Variants in FBN2 observed in about 807,000 individuals in gnomAD.
The protein encoded by FBN2 is fibrillin-2.
Under a neutral mutation model 355.6 loss-of-function variants are expected in FBN2, and 105 were observed. That is an observed-to-expected ratio of 0.30 (90% CI 0.25 to 0.35). FBN2 has a LOEUF of 0.35. Among genes scored for constraint, FBN2 ranks in the 10% least tolerant of loss-of-function variants. The pLI, the probability that FBN2 is intolerant of heterozygous loss-of-function variation, is 1.00. For synonymous variants in FBN2, 1,350 were observed against 1,301.2 expected, an observed-to-expected ratio of 1.04 and a Z score of -0.81; for missense variants, 3,280 against 3,758.7, an observed-to-expected ratio of 0.87 and a Z score of 3.33.
At chr5:128,496,391 T>C (rs1415628341) in intron 5 of FBN2, among the ~76,000 whole-genome samples, 1 of 152,056 alleles carries the variant, frequency 6.6e-6, no homozygotes, top group Non-Finnish European at 1.5e-5. Flanking sequence ...ATCATTGTAA[T>C]ACACCATATC....
chr5:128,505,644 C>A (rs890527068), intron 5 of FBN2, among the ~76,000 whole-genome samples: 2 of 152,106 alleles, frequency 1.3e-5, no homozygotes, highest in Non-Finnish European at 2.9e-5. Context: ...ACCTTTGCAT[C>A]CCTAGGCAAC....
chr5:128,378,625 G>A lies in FBN2; in HGVS notation c.1723+146C>T, dbSNP rs1013720810. The A allele has an allele frequency of 4.8e-5, 41 of 860,858 alleles. No homozygotes were observed. In the Admixed American group the frequency reaches 6.4e-4, roughly 13 times the overall value. The allele number at this position is 860,858 out of a possible 1,614,324, so 53.3% of individuals were successfully genotyped here. ...ATGCAAACATTGTTTATGTTTAAAGGAGAATCTCTGAGGGTATTACAAATA... is the reference window on the plus strand; with the variant it reads ...ATGCAAACATTGTTTATGTTTAAAGAAGAATCTCTGAGGGTATTACAAATA... On this transcript the variant is annotated intron_variant, in intron 12 of 64. Coordinates refer to ENST00000262464, the MANE Select transcript of FBN2 (RefSeq NM_001999.4).
At chr5:128,530,049 C>A (rs990521212) in intron 3 of FBN2, among the ~76,000 whole-genome samples, 7 of 152,152 alleles carry the variant, frequency 4.6e-5, no homozygotes, top group Admixed American at 6.5e-5. Flanking sequence ...AATAAACAAT[C>A]TTGCTTCTGC....
intron 4 of FBN2, among the ~76,000 whole-genome samples, chr5:128,520,474 CAAATT>C (rs1756402000): frequency 6.6e-6 from 1 of 151,956 alleles, no homozygotes; most frequent in African/African-American, 2.4e-5. Context: ...ACTAATTACT[CAAATT>C]AAAGGGAAGT....
chr5:128,457,836 A>G lies in FBN2; in HGVS notation c.826+6888T>C, dbSNP rs555110922. Among the ~76,000 whole-genome samples the G allele has an allele frequency of 2.4e-3, 362 of 150,536 alleles. 1 individual carries two copies. The highest frequency in any genetic ancestry group is 8.6e-3 in the African/African-American group (352 of 40,862). On this transcript the variant is annotated intron_variant, in intron 6 of 64. Coordinates refer to ENST00000262464, the MANE Select transcript of FBN2 (RefSeq NM_001999.4). ...TATGGAAAGGAAAAACCAGTACCAGACACTGCAAAAAAAAAAAACAAAAAA... is the reference window on the plus strand; with the variant it reads ...TATGGAAAGGAAAAACCAGTACCAGGCACTGCAAAAAAAAAAAACAAAAAA...
chr5:128,263,327 G>T, intron 63 of FBN2, 98 bp downstream of exon 63: 2 of 916,868 alleles, frequency 2.2e-6, no homozygotes, highest in South Asian at 2.6e-5. Flanking sequence ...TTGCGGTTTG[G>T]CTTTTAGACA....
chr5:128,350,687 A>G (rs570305666), intron 21 of FBN2, among the ~76,000 whole-genome samples, 181 bp downstream of exon 21: 1 of 152,376 alleles, frequency 6.6e-6, no homozygotes, highest in East Asian at 1.9e-4. Context: ...CTGCTTATGT[A>G]CCAGGATAAA....
intron 15 of FBN2, among the ~76,000 whole-genome samples, chr5:128,370,552 G>A (rs1751906411): frequency 6.6e-6 from 1 of 152,170 alleles, no homozygotes; most frequent in Non-Finnish European, 1.5e-5. Context: ...GCTGAGTTTG[G>A]CAGTGTATCT....
intron 7 of FBN2, among the ~76,000 whole-genome samples, chr5:128,443,666 C>G (rs1753981973): frequency 6.6e-6 from 1 of 152,148 alleles, no homozygotes; most frequent in Non-Finnish European, 1.5e-5. Context: ...TATTTCTGAA[C>G]AGACCTAGTA....
chr5:128,349,625 C>T (rs1284402872), intron 22 of FBN2, among the ~76,000 whole-genome samples, 153 bp from the exon 23 acceptor site: 2 of 152,280 alleles, frequency 1.3e-5, no homozygotes, highest in Middle Eastern at 3.4e-3. Context: ...CCGAGCCACC[C>T]GCTTTCCTAG....
chr5:128,490,942 G>A (rs1027996678), intron 5 of FBN2, among the ~76,000 whole-genome samples: 1 of 152,056 alleles, frequency 6.6e-6, no homozygotes, highest in Non-Finnish European at 1.5e-5. Flanking sequence ...TTCCTTCCAA[G>A]TACAGAGTGC....
At chr5:128,349,016 A>T (rs1452510620) in intron 23 of FBN2, among the ~76,000 whole-genome samples, 3 of 152,138 alleles carry the variant, frequency 2.0e-5, no homozygotes, top group Admixed American at 2.0e-4. Context: ...AAACTTTTAA[A>T]ATCCTAGTCT....
intron 9 of FBN2, among the ~76,000 whole-genome samples, chr5:128,393,612 A>G (rs1204005938): frequency 6.6e-6 from 1 of 152,258 alleles, no homozygotes; most frequent in East Asian, 1.9e-4. Context: ...AATCATTTAC[A>G]TGTGTATTTT....
intron 33 of FBN2, 27 bp from the exon 34 acceptor site, chr5:128,328,848 T>C (rs1191368784): frequency 1.2e-6 from 2 of 1,613,454 alleles, no homozygotes; most frequent in African/African-American, 1.3e-5. Context: ...ATTACATCTC[T>C]GTTAAGTTCC....
intron 7 of FBN2, among the ~76,000 whole-genome samples, chr5:128,427,765 A>C (rs374139597): frequency 1.3e-5 from 2 of 152,142 alleles, no homozygotes; most frequent in African/African-American, 4.8e-5. Flanking sequence ...CTTACCTATA[A>C]GCCATTGGAG....
At chr5:128,536,565 C>T (rs1014866529) in intron 1 of FBN2, 81 bp from the exon 2 acceptor site, 10 of 929,916 alleles carry the variant, frequency 1.1e-5, no homozygotes, top group South Asian at 4.1e-5. Flanking sequence ...AGCAATGCCC[C>T]GAGCGAGTAG....
intron 5 of FBN2, among the ~76,000 whole-genome samples, chr5:128,465,217 C>A (rs1047611187): frequency 3.3e-5 from 5 of 152,178 alleles, no homozygotes; most frequent in African/African-American, 1.2e-4. Flanking sequence ...TAGTAGCCAA[C>A]ATTGTAAACT....
chr5:128,294,181 G>A (rs1461232567), intron 48 of FBN2, among the ~76,000 whole-genome samples: 1 of 152,078 alleles, frequency 6.6e-6, no homozygotes, highest in Non-Finnish European at 1.5e-5. Context: ...CATTTTTTAT[G>A]GCTGCAGAGT....
At chr5:128,314,319 ATATT>A (rs1326226342) in intron 36 of FBN2, among the ~76,000 whole-genome samples, 26 of 152,026 alleles carry the variant, frequency 1.7e-4, no homozygotes, top group African/African-American at 6.0e-4. Context: ...AGGTTTATTT[ATATT>A]TATTTGTTTA....
Sources: allele counts gnomAD v4.1 joint callset (sites outside exome capture counted in the v4.1 genomes callset), GRCh38; gene constraint gnomAD v4.1.1; transcripts MANE v1.5; gene names NCBI Gene and HGNC (gene_info 2026-07-23, HGNC 2026-07-21).